DOP1A: variants seen among roughly 807,000 people sequenced by gnomAD.
DOP1A encodes protein DOP1A.
In DOP1A, 90 loss-of-function variants were observed where a neutral mutation model predicts 267.6. That is an observed-to-expected ratio of 0.34 (90% CI 0.28 to 0.40). The LOEUF (loss-of-function observed/expected upper bound fraction) is 0.40. Ranked by LOEUF, DOP1A falls within the 10% of genes least tolerant of loss-of-function variation. DOP1A has a pLI of 1.00. For missense variants in DOP1A, 2,437 were observed against 2,900.4 expected (o/e 0.84, Z 3.67); for synonymous variants, 932 against 999.1 (o/e 0.93, Z 1.27).
chr6:83,152,925 G>A (rs1782008506), intron 30 of DOP1A, among the ~76,000 whole-genome samples: 1 of 151,974 alleles, frequency 6.6e-6, no homozygotes, highest in African/African-American at 2.4e-5. Flanking sequence ...GCCTGGGGAG[G>A]GGTGGAGGTG....
chr6:83,170,633 G>A, downstream of DOP1A: 1 of 625,740 alleles, frequency 1.6e-6, no homozygotes, highest in East Asian at 2.8e-5. Context: ...CAACATTTGT[G>A]CAACTTTTCT....
Position 83,153,638 on chromosome 6 carries a change from A to G in DOP1A, c.6239+18A>G. Reference sequence around the variant, plus strand: ...AATCACAGGTACTATCATTATTTAAATAGTTTTTAAAATTAATTCATAGCC... The same window carrying G: ...AATCACAGGTACTATCATTATTTAAGTAGTTTTTAAAATTAATTCATAGCC... On this transcript the variant is annotated intron_variant, in intron 31 of 38. Transcript: ENST00000349129. The G allele has an allele frequency of 6.5e-7, 1 of 1,536,266 alleles. No homozygotes were observed. The highest frequency in any genetic ancestry group is 1.2e-5 in the South Asian group (1 of 80,500).
intron 27 of DOP1A, among the ~76,000 whole-genome samples, chr6:83,150,530 T>C (rs1781443666): frequency 6.6e-6 from 1 of 152,220 alleles, no homozygotes; most frequent in African/African-American, 2.4e-5. Context: ...TTTTAAAATT[T>C]GTCAGTTTAC....
chr6:83,125,820 C>A, intron 15 of DOP1A, 87 bp downstream of exon 15: 1 of 1,154,508 alleles, frequency 8.7e-7, no homozygotes, highest in South Asian at 1.6e-5. Flanking sequence ...TATACATAAG[C>A]ATTTAAATAA....
At chr6:83,153,641 G>A (rs1309828616) in intron 31 of DOP1A, 21 bp downstream of exon 31, 1 of 1,523,346 alleles carries the variant, frequency 6.6e-7, no homozygotes, top group African/African-American at 1.4e-5. Context: ...TATTTAAATA[G>A]TTTTTAAAAT....
intron 14 of DOP1A, 44 bp from the exon 15 acceptor site, chr6:83,125,456 G>A (rs583679): frequency 1.3e-6 from 2 of 1,569,346 alleles, no homozygotes; most frequent in Non-Finnish European, 1.7e-6. Flanking sequence ...TAACTTTTGG[G>A]TTCCACATTG....
At chr6:83,090,452 T>C (rs1770141526) in intron 1 of DOP1A, among the ~76,000 whole-genome samples, 1 of 152,192 alleles carries the variant, frequency 6.6e-6, no homozygotes, top group Non-Finnish European at 1.5e-5. Context: ...TGTCTATTTA[T>C]TTTGTGTTTA....
intron 28 of DOP1A, 70 bp downstream of exon 28, chr6:83,151,729 A>G: frequency 6.6e-7 from 1 of 1,506,274 alleles, no homozygotes. Flanking sequence ...AGAGAGTCAA[A>G]TAAAATAAAC....
intron 1 of DOP1A, among the ~76,000 whole-genome samples, chr6:83,083,009 T>C (rs556336899): frequency 2.0e-5 from 3 of 152,222 alleles, no homozygotes; most frequent in Non-Finnish European, 4.4e-5. Flanking sequence ...GATTTCACCA[T>C]GTTGGCCAGG....
chr6:83,151,234 C>G (rs1211957298), intron 27 of DOP1A, among the ~76,000 whole-genome samples: 1 of 152,160 alleles, frequency 6.6e-6, no homozygotes, highest in Non-Finnish European at 1.5e-5. Flanking sequence ...ATGATCATAG[C>G]ACACTGCAGC....
chr6:83,071,015 T>C (rs146250684), intron 1 of DOP1A, among the ~76,000 whole-genome samples: 1 of 152,314 alleles, frequency 6.6e-6, no homozygotes, highest in East Asian at 1.9e-4. Flanking sequence ...AAGGTGGACG[T>C]ATACGTAAAA....
chr6:83,109,209 C>A, intron 5 of DOP1A, 129 bp downstream of exon 5: 4 of 752,572 alleles, frequency 5.3e-6, no homozygotes. Flanking sequence ...ATGAATATTT[C>A]TATAGCAATG....
At chr6:83,073,296 C>T (rs985050786) in intron 1 of DOP1A, among the ~76,000 whole-genome samples, 6 of 152,074 alleles carry the variant, frequency 3.9e-5, no homozygotes, top group Non-Finnish European at 8.8e-5. Flanking sequence ...CCATGTTGGC[C>T]AGGCTGGTCT....
Position 83,167,845 on chromosome 6 carries a change from CTT to C in DOP1A, c.7093-13_7093-12del. ...TGTCTGTTGTATTAATACCAGTTCA[CTT>C]TTTGTTTTCTGCAGAAAAATCCAGA... On this transcript the variant is annotated splice_polypyrimidine_tract_variant and intron_variant, in intron 38 of 38. Transcript: ENST00000349129. 6.3e-7 allele frequency: 1 copy of C among 1,592,956 alleles called. No individual in the cohort carries two copies. The highest frequency in any genetic ancestry group is 8.6e-7 in the Non-Finnish European group (1 of 1,168,908).
chr6:83,078,363 AGCTTCCAGCAGGGAACAT>A (rs1301890408), intron 1 of DOP1A, among the ~76,000 whole-genome samples: 12 of 152,236 alleles, frequency 7.9e-5, no homozygotes. Context: ...TACTTTTCTG[AGCTTCCAGCAGGGAACAT>A]GCTCCACCTG....
rs552949498 is a variant in DOP1A at position 83,137,056 on chromosome 6, A to T, written c.3131-117A>T. 3.0e-5 allele frequency: 30 copies of T among 1,002,438 alleles called. No individual in the cohort carries two copies. The East Asian group carries it at 8.1e-4, about 27-fold the overall frequency. 62.1% of individuals were successfully genotyped at this position (1,002,438 alleles called of 1,614,324 possible). A position where few individuals can be genotyped will look rare whatever the true frequency, so the allele number is the denominator to read the frequency against. ...TAAAATAAAATGTAATTTTAGGAAA[A>T]TATAAGTAGATGATGACACTAATGA... On this transcript the variant is annotated intron_variant, in intron 20 of 38. Coordinates refer to ENST00000349129, the MANE Select transcript of DOP1A (RefSeq NM_015018.4).
chr6:83,130,510 CCT>C, intron 17 of DOP1A, 113 bp downstream of exon 17: 2 of 1,283,474 alleles, frequency 1.6e-6, no homozygotes, highest in Non-Finnish European at 2.1e-6. Context: ...CATTTAAACA[CCT>C]CTTAATAGGC....
rs1439599096 is a variant in DOP1A, at chr6:83,130,392, T to C, written c.2611T>C (p.Phe871Leu). ...GTACATAGCTGAGAAGACTGAATTT[T>C]TCAAGGTAAATTCTAAGAAATGCAT... ...LRYIAEKTEF[F>L]KHVALTLWDQ... Residue 871 changes from phenylalanine (F) to leucine (L), a missense_variant, in exon 17 of 39, where the codon TTC becomes CTC. Physicochemically the swap from Phe to Leu is conservative, Grantham distance 22. Transcript: ENST00000349129. 2 of 1,610,760 alleles carry C rather than the reference T, an allele frequency of 1.2e-6. No individual in the cohort carries two copies. The highest frequency in any genetic ancestry group is 2.7e-5 in the African/African-American group (2 of 74,786).
chr6:83,109,798 C>A (rs572762295), intron 5 of DOP1A, among the ~76,000 whole-genome samples: 1 of 152,206 alleles, frequency 6.6e-6, no homozygotes, highest in South Asian at 2.1e-4. Flanking sequence ...TATTACTTAG[C>A]GTACTTTAAC....
Sources: allele counts gnomAD v4.1 joint callset (sites outside exome capture counted in the v4.1 genomes callset), GRCh38; gene constraint gnomAD v4.1.1; transcripts MANE v1.5; gene names NCBI Gene and HGNC (gene_info 2026-07-23, HGNC 2026-07-21).